TLK1: variants seen among roughly 807,000 people sequenced by gnomAD.
TLK1 encodes the protein tousled like kinase 1, also known as serine/threonine-protein kinase tousled-like 1.
Under a neutral mutation model 105.3 loss-of-function variants are expected in TLK1, and 24 were observed. That is an observed-to-expected ratio of 0.23 (90% CI 0.17 to 0.32). The LOEUF is 0.32. Ranked by LOEUF, TLK1 falls within the 10% of genes least tolerant of loss-of-function variation. The probability of loss-of-function intolerance (pLI) is 1.00; values close to 1 mark genes in which losing one functional copy is unlikely to be tolerated. For missense variants in TLK1, 558 were observed against 910.5 expected (o/e 0.61, Z 4.98); for synonymous variants, 321 against 310.4 (o/e 1.03, Z -0.36).
chr2:170,998,886 A>G (rs1447392387), intron 18 of TLK1, among the ~76,000 whole-genome samples: 1 of 152,142 alleles, frequency 6.6e-6, no homozygotes, highest in Non-Finnish European at 1.5e-5. Context: ...CTCGCACCTT[A>G]GCCTCCCAAA....
intron 12 of TLK1, among the ~76,000 whole-genome samples, chr2:171,027,611 A>C (rs1272035248): frequency 6.6e-6 from 1 of 152,200 alleles, no homozygotes; most frequent in Admixed American, 6.5e-5. Flanking sequence ...TTAAAAGATA[A>C]GCCAAAGAAA....
rs1183716618 is a variant in TLK1, at chr2:171,122,948, A to G, written c.140-5091T>C. Among the ~76,000 whole-genome samples, 6 of 152,074 alleles carry G rather than the reference A, an allele frequency of 3.9e-5. No individual in the cohort carries two copies. The South Asian group carries it at 6.2e-4, about 16-fold the overall frequency. ...CAGCTACTTAGGAGGCTGAGGCACA[A>G]GAATCACTTGAACCCAGGAGGTAGA... On this transcript the variant is annotated intron_variant, in intron 1 of 20. Coordinates refer to ENST00000431350, the MANE Select transcript of TLK1 (RefSeq NM_012290.5).
intron 2 of TLK1, among the ~76,000 whole-genome samples, chr2:171,108,057 CAAA>C (rs142426984): frequency 2.9e-4 from 31 of 107,034 alleles, no homozygotes; most frequent in South Asian, 8.2e-4. Context: ...ACCCCTCTCT[CAAA>C]AAAAAAACAA....
At chr2:171,066,880 C>A in intron 3 of TLK1, 2 of 1,552,210 alleles carry the variant, frequency 1.3e-6, no homozygotes, top group Admixed American at 2.0e-5. Flanking sequence ...AATAAAACAG[C>A]CATTTAGAAC....
At chr2:171,136,488 C>A (rs1334260286) in intron 1 of TLK1, among the ~76,000 whole-genome samples, 1 of 152,018 alleles carries the variant, frequency 6.6e-6, no homozygotes, top group African/African-American at 2.4e-5. Context: ...GGCAAGTGAA[C>A]CTGGGAGGCG....
chr2:171,227,414 G>A (rs112151256), intron 1 of TLK1, among the ~76,000 whole-genome samples: 5 of 152,120 alleles, frequency 3.3e-5, no homozygotes, highest in Non-Finnish European at 7.4e-5. Context: ...TACAACTGCA[G>A]GAGAGCTTGT....
intron 1 of TLK1, among the ~76,000 whole-genome samples, chr2:171,129,832 TAAC>T (rs1175803814): frequency 1.1e-5 from 1 of 88,588 alleles, no homozygotes; most frequent in Non-Finnish European, 2.7e-5. Context: ...GGTTACCAAA[TAAC>T]ATAACATAAC....
chr2:171,032,440 T>C (rs1163864965), intron 11 of TLK1, among the ~76,000 whole-genome samples: 5 of 152,120 alleles, frequency 3.3e-5, no homozygotes, highest in Non-Finnish European at 7.4e-5. Flanking sequence ...GTTACTTCTA[T>C]ACACCAGCAA....
intron 1 of TLK1, among the ~76,000 whole-genome samples, chr2:171,221,721 T>C (rs905969481): frequency 6.6e-6 from 1 of 152,216 alleles, no homozygotes; most frequent in Non-Finnish European, 1.5e-5. Context: ...GGACCTTTCC[T>C]CCTGATTTGG....
chr2:171,091,034 G>C (rs1366685390), intron 2 of TLK1, among the ~76,000 whole-genome samples: 1 of 152,136 alleles, frequency 6.6e-6, no homozygotes, highest in Non-Finnish European at 1.5e-5. Context: ...TATAAGATAG[G>C]GGATCAGCAA....
At chr2:171,020,833 G>A (rs1484964282) in intron 12 of TLK1, among the ~76,000 whole-genome samples, 1 of 151,780 alleles carries the variant, frequency 6.6e-6, no homozygotes, top group African/African-American at 2.4e-5. Flanking sequence ...GTAGATTGGG[G>A]AGAAGGGTAG....
chr2:171,188,887 A>C (rs965676420), intron 1 of TLK1, among the ~76,000 whole-genome samples: 1 of 151,992 alleles, frequency 6.6e-6, no homozygotes, highest in Non-Finnish European at 1.5e-5. Flanking sequence ...AAAAAAAAAA[A>C]AAGATTCAAG....
At chr2:171,028,308 G>C (rs764912157) in intron 12 of TLK1, 31 bp downstream of exon 12, 19 of 1,501,054 alleles carry the variant, frequency 1.3e-5, no homozygotes, top group Non-Finnish European at 1.5e-5. Context: ...GTAGCAAATT[G>C]AACTAAAAAT....
intron 1 of TLK1, among the ~76,000 whole-genome samples, chr2:171,123,736 A>G (rs1366789878): frequency 6.6e-6 from 1 of 152,222 alleles, no homozygotes; most frequent in Non-Finnish European, 1.5e-5. Context: ...GCTTGGGGCC[A>G]GGAGATACAG....
chr2:171,139,876 C>T (rs893535174), intron 1 of TLK1, among the ~76,000 whole-genome samples: 4 of 152,136 alleles, frequency 2.6e-5, no homozygotes, highest in Non-Finnish European at 5.9e-5. Context: ...CACCTCAAAT[C>T]ATCAGGCATT....
At chr2:171,192,329 A>G (rs1440940956) in intron 1 of TLK1, among the ~76,000 whole-genome samples, 5 of 152,098 alleles carry the variant, frequency 3.3e-5, no homozygotes, top group African/African-American at 1.2e-4. Context: ...GGGACTGACG[A>G]TTATTATTTT....
intron 1 of TLK1, among the ~76,000 whole-genome samples, chr2:171,172,953 T>C (rs1272935157): frequency 1.3e-5 from 2 of 152,256 alleles, no homozygotes; most frequent in African/African-American, 4.8e-5. Context: ...GATTTGGATA[T>C]ATGTATAGTC....
At chr2:171,218,603 T>G (rs1693756226) in intron 1 of TLK1, among the ~76,000 whole-genome samples, 1 of 152,188 alleles carries the variant, frequency 6.6e-6, no homozygotes, top group South Asian at 2.1e-4. Context: ...AAGTCCAAGA[T>G]CAAGGTGCCA....
chr2:171,149,180 G>A (rs994683787), intron 1 of TLK1, among the ~76,000 whole-genome samples: 5 of 140,262 alleles, frequency 3.6e-5, no homozygotes, highest in African/African-American at 1.3e-4. Flanking sequence ...TCTCTAGCCT[G>A]GACAACAGAG....
Sources: gnomAD v4.1 joint callset for allele counts (sites outside exome capture counted in the v4.1 genomes callset) on GRCh38, gnomAD v4.1.1 for gene constraint, MANE v1.5 for transcripts, NCBI Gene and HGNC (gene_info 2026-07-23, HGNC 2026-07-21) for gene names.